Variants in FOXRED2 observed in about 807,000 individuals in gnomAD.
FOXRED2 encodes FAD-dependent oxidoreductase domain-containing protein 2.
Under a neutral mutation model 52.5 loss-of-function variants are expected in FOXRED2, and 32 were observed. That is an observed-to-expected ratio of 0.61 (90% CI 0.46 to 0.82). The LOEUF (loss-of-function observed/expected upper bound fraction) is 0.82. Among genes scored for constraint, FOXRED2 ranks in the 40% least tolerant of loss-of-function variants. The pLI is 0.00. For missense variants in FOXRED2, 848 were observed against 937.5 expected (o/e 0.90, Z 1.25); for synonymous variants, 405 against 398.1 (o/e 1.02, Z -0.21).
Position 36,506,142 on chromosome 22 carries a change from T to G in FOXRED2, c.281A>C (p.Asn94Thr). The G allele has an allele frequency of 6.2e-7, 1 of 1,614,180 alleles. No individual in the cohort carries two copies. The highest frequency in any genetic ancestry group is 8.5e-7 in the Non-Finnish European group (1 of 1,180,022). Residue 94 changes from asparagine (N) to threonine (T), a missense_variant, in exon 2 of 9, where the codon AAC becomes ACC. Coordinates refer to ENST00000397224, the MANE Select transcript of FOXRED2 (RefSeq NM_001102371.2). ...RYTGKANAEFNLRHDWNSLLS... is the reference protein window; with the variant it reads ...RYTGKANAEFTLRHDWNSLLS... ...CAGAGAGTTCCAGTCGTGGCGGAGG[T>G]TGAACTCGGCGTTAGCCTTGCCCGT... is the stretch of plus-strand genomic sequence containing the variant.
At chr22:36,501,731 G>A (rs549892610) in intron 4 of FOXRED2, among the ~76,000 whole-genome samples, 23 of 152,248 alleles carry the variant, frequency 1.5e-4, no homozygotes, top group African/African-American at 5.3e-4. Context: ...AAAGTGCTGG[G>A]ATTACAAGCG....
chr22:36,501,394 T>G lies in FOXRED2; in HGVS notation c.1063A>C (p.Asn355His), dbSNP rs1934042356. Residue 355 changes from asparagine (N) to histidine (H), a missense_variant, in exon 5 of 9, where the codon AAC (asparagine) becomes CAC (histidine). By Grantham distance (68) the Asn-to-His change is moderately conservative (BLOSUM62 1). Transcript: ENST00000397224. ...FSIFNKSLRL[N>H]SGNAFGKKYP... ...TTCTTGCCGAATGCATTTCCCGAGT[T>G]AAGTCTGAGGGACCTGTCAGTGGAA... 2 of 1,614,014 alleles carry G rather than the reference T, an allele frequency of 1.2e-6. No individual in the cohort carries two copies. The highest frequency in any genetic ancestry group is 3.3e-5 in the Admixed American group (2 of 59,994).
At chr22:36,502,242 T>C (rs1934075607) in intron 4 of FOXRED2, among the ~76,000 whole-genome samples, 1 of 152,158 alleles carries the variant, frequency 6.6e-6, no homozygotes, top group African/African-American at 2.4e-5. Flanking sequence ...CCTAGCACTT[T>C]GGGAGGCCGA....
rs1334968846 is a variant in FOXRED2 at position 36,506,094 on chromosome 22, A to G, written c.329T>C (p.Leu110Pro). 1 of 1,614,122 alleles carries G rather than the reference A, an allele frequency of 6.2e-7. No individual in the cohort carries two copies. Among genetic ancestry groups the G allele is most frequent in the Non-Finnish European group, 8.5e-7 (1 of 1,180,038 alleles). ...GTAGGCACGCGAGTAGTGTCTGAAG[A>G]GCAGCCGGGGGTCGTGGCTGAGCAG... is the stretch of plus-strand genomic sequence containing the variant. ...NSLLSHDPRLLFRHYSRAYFP... is the reference protein window; with the variant it reads ...NSLLSHDPRLPFRHYSRAYFP... The change falls in exon 2 of 9, where the codon CTC (leucine) becomes CCC (proline). Residue 110 changes from leucine (L) to proline (P), a missense_variant. Physicochemically the swap from Leu to Pro is moderately conservative, Grantham distance 98. Transcript: ENST00000397224.
intron 4 of FOXRED2, 95 bp from the exon 5 acceptor site, chr22:36,501,502 C>T: frequency 7.7e-7 from 1 of 1,290,472 alleles, no homozygotes; most frequent in Non-Finnish European, 1.1e-6. Context: ...CTCTTGTCGC[C>T]CAGGTTAGAG....
chr22:36,493,602 G>A (rs747079974), intron 8 of FOXRED2, 31 bp downstream of exon 8: 1 of 1,602,058 alleles, frequency 6.2e-7, no homozygotes, highest in African/African-American at 1.3e-5. Context: ...CTGGAGCTCA[G>A]ACCCTTTGTC....
chr22:36,500,585 T>A (rs1934017113), intron 5 of FOXRED2, among the ~76,000 whole-genome samples: 1 of 149,102 alleles, frequency 6.7e-6, no homozygotes, highest in East Asian at 1.9e-4. Context: ...CCAATTACAT[T>A]TTTTTTTTTT....
At chr22:36,497,843 GT>G (rs1423925148) in intron 6 of FOXRED2, 147 bp downstream of exon 6, 6 of 855,820 alleles carry the variant, frequency 7.0e-6, no homozygotes, top group Admixed American at 2.6e-5. Flanking sequence ...TAATGTCATT[GT>G]TTTTCCCCAG....
chr22:36,493,613 T>C lies in FOXRED2; in HGVS notation c.1795+20A>G, dbSNP rs1161798667. 3 of 1,609,918 alleles carry C rather than the reference T, an allele frequency of 1.9e-6. No homozygotes were observed. Among genetic ancestry groups the C allele is most frequent in the Admixed American group, 1.7e-5 (1 of 59,730 alleles). On this transcript the variant is annotated intron_variant, in intron 8 of 8. Coordinates refer to ENST00000397224, the MANE Select transcript of FOXRED2 (RefSeq NM_001102371.2). Reference sequence around the variant, plus strand: ...CAACCTGGAGCTCAGACCCTTTGTCTTTCTGGGAGCTTAAGTTACCTGCAT... The same window carrying C: ...CAACCTGGAGCTCAGACCCTTTGTCCTTCTGGGAGCTTAAGTTACCTGCAT...
chr22:36,490,637 C>T (rs185737864), intron 8 of FOXRED2, among the ~76,000 whole-genome samples: 18 of 152,340 alleles, frequency 1.2e-4, no homozygotes, highest in Admixed American at 2.6e-4. Context: ...CGGCCTGGTG[C>T]GGCTGGGAAC....
Position 36,489,679 on chromosome 22 carries a change from G to A in FOXRED2, c.*329C>T, listed in dbSNP as rs1933697438. 2 of 248,076 alleles carry A rather than the reference G, an allele frequency of 8.1e-6. No individual in the cohort carries two copies. Among genetic ancestry groups the A allele is most frequent in the African/African-American group, 2.2e-5 (1 of 44,794 alleles). 15.4% of individuals were successfully genotyped at this position (248,076 alleles called of 1,614,324 possible). A position where few individuals can be genotyped will look rare whatever the true frequency, so the allele number is the denominator to read the frequency against. On this transcript the variant is annotated 3_prime_UTR_variant, in exon 9 of 9. Coordinates refer to ENST00000397224, the MANE Select transcript of FOXRED2 (RefSeq NM_001102371.2). Reference sequence around the variant, plus strand: ...GCAGGCCCATCTGAGGAGGGGCTTGGAAGGAAGAGGAGCACTTGAGACGGG... The same window carrying A: ...GCAGGCCCATCTGAGGAGGGGCTTGAAAGGAAGAGGAGCACTTGAGACGGG...
Position 36,506,366 on chromosome 22 carries a change from G to C in FOXRED2, c.57C>G (p.Ile19Met). The C allele has an allele frequency of 6.9e-7, 1 of 1,453,320 alleles. No individual in the cohort carries two copies. The highest frequency in any genetic ancestry group is 9.0e-7 in the Non-Finnish European group (1 of 1,107,638). 90.0% of individuals were successfully genotyped at this position (1,453,320 alleles called of 1,614,324 possible). A position where few individuals can be genotyped will look rare whatever the true frequency, so the allele number is the denominator to read the frequency against. ...GCACCGACAGCGCTGGGTGCAGGGC[G>C]ATGGCCAGGAGCAGCCCCGGGGGAC... ...LWGPPGLLLA[I>M]ALHPALSVPP... is the part of the protein sequence containing the mutation. Residue 19 changes from isoleucine (I) to methionine (M), a missense_variant, in exon 2 of 9, where the codon ATC becomes ATG. Ile to Met is a conservative substitution (Grantham distance 10). Transcript: ENST00000397224.
intron 8 of FOXRED2, among the ~76,000 whole-genome samples, chr22:36,492,197 C>A (rs1933774425): frequency 6.6e-6 from 1 of 152,164 alleles, no homozygotes; most frequent in African/African-American, 2.4e-5. Flanking sequence ...ACTGGGAGGG[C>A]AGCAAGGTGG....
In FOXRED2 at chr22:36,489,964, G is replaced by T; in HGVS notation, c.*44C>A. 6.6e-7 allele frequency: 1 copy of T among 1,512,062 alleles called. No individual in the cohort carries two copies. Among genetic ancestry groups the T allele is most frequent in the South Asian group, 1.3e-5 (1 of 75,574 alleles). The allele number at this position is 1,512,062 out of a possible 1,614,324, so 93.7% of individuals were successfully genotyped here. On this transcript the variant is annotated 3_prime_UTR_variant, in exon 9 of 9. Coordinates refer to ENST00000397224, the MANE Select transcript of FOXRED2 (RefSeq NM_001102371.2). ...AAAGAGGGACTGACCATGGGCCTAG[G>T]TGGGGAGGCCTGGCCACTGTGCCCA...
intron 6 of FOXRED2, among the ~76,000 whole-genome samples, chr22:36,496,790 G>A (rs980921102): frequency 1.3e-5 from 2 of 152,216 alleles, no homozygotes; most frequent in Non-Finnish European, 2.9e-5. Context: ...GATCGGGACC[G>A]AGGTGGTGGT....
At chr22:36,505,570 A>G (rs1934168092) in intron 2 of FOXRED2, among the ~76,000 whole-genome samples, 1 of 152,046 alleles carries the variant, frequency 6.6e-6, no homozygotes, top group South Asian at 2.1e-4. Flanking sequence ...GGAGTTCGAG[A>G]CCAGCCTGGC....
At position 36,489,972 on chromosome 22, in the gene FOXRED2, G is replaced by C. The variant is rs765641805; in HGVS notation, c.*36C>G. The C allele has an allele frequency of 2.0e-6, 3 of 1,521,698 alleles. No homozygotes were observed. The highest frequency in any genetic ancestry group is 2.6e-6 in the Non-Finnish European group (3 of 1,132,110). 94.3% of individuals were successfully genotyped at this position (1,521,698 alleles called of 1,614,324 possible). On this transcript the variant is annotated 3_prime_UTR_variant, in exon 9 of 9. Coordinates refer to ENST00000397224, the MANE Select transcript of FOXRED2 (RefSeq NM_001102371.2). ...ACTGACCATGGGCCTAGGTGGGGAG[G>C]CCTGGCCACTGTGCCCACAGCTTAG...
intron 3 of FOXRED2, 60 bp downstream of exon 3, chr22:36,504,455 G>C: frequency 1.2e-6 from 2 of 1,609,302 alleles, no homozygotes; most frequent in Non-Finnish European, 1.7e-6. Context: ...GAGGGTTGGG[G>C]AGGCTCTTTC....
In FOXRED2 at chr22:36,495,529, G is replaced by C. The variant is rs144532784; in HGVS notation, c.1624+438C>G. Among the ~76,000 whole-genome samples the C allele has an allele frequency of 2.0e-4, 30 of 152,320 alleles. No homozygotes were observed. In the East Asian group the frequency reaches 4.8e-3, roughly 24 times the overall value. On this transcript the variant is annotated intron_variant, in intron 7 of 8. Transcript: ENST00000397224. ...CTGTTGTAATCCCCATTTTACAGAG[G>C]GGAGGTTGAGGCTCAGAGAGGTTAA...
Sources: allele counts gnomAD v4.1 joint callset (sites outside exome capture counted in the v4.1 genomes callset), GRCh38; gene constraint gnomAD v4.1.1; transcripts MANE v1.5; gene names NCBI Gene and HGNC (gene_info 2026-07-23, HGNC 2026-07-21).